The following MDGA1 variants were observed in gnomAD, a reference collection of about 807,000 sequenced individuals.
The protein encoded by MDGA1 is MAM domain-containing glycosylphosphatidylinositol anchor protein 1.
Under a neutral mutation model 101.5 loss-of-function variants are expected in MDGA1, and 54 were observed. That is an observed-to-expected ratio of 0.53 (90% CI 0.43 to 0.67). MDGA1 has a LOEUF of 0.67. Ranked by LOEUF, MDGA1 falls within the 30% of genes least tolerant of loss-of-function variation. MDGA1 has a pLI of 0.00. For synonymous variants in MDGA1, 533 were observed against 558.3 expected (o/e 0.95, Z 0.64); for missense variants, 1,083 against 1,323.8 (o/e 0.82, Z 2.82).
chr6:37,665,456 G>A (rs143352817), intron 1 of MDGA1, among the ~76,000 whole-genome samples: 92 of 152,290 alleles, frequency 6.0e-4, no homozygotes, highest in Middle Eastern at 3.4e-3. Flanking sequence ...TGCGAGGCCC[G>A]GGGTAAGTCA....
At chr6:37,690,272 G>T (rs1352390865) in intron 1 of MDGA1, among the ~76,000 whole-genome samples, 1 of 152,148 alleles carries the variant, frequency 6.6e-6, no homozygotes, top group Admixed American at 6.5e-5. Context: ...CACACACAGC[G>T]GCATGGCTAC....
At position 37,638,890 on chromosome 6, in the gene MDGA1, G is replaced by A. The variant is rs951642934; in HGVS notation, c.2537-223C>T. ...GGATTTCATTTCATCAGGATGACTT[G>A]CAAATTTTCTTTCATTTCTTTCCTG... is the stretch of plus-strand genomic sequence containing the variant. On this transcript the variant is annotated intron_variant, in intron 14 of 16. Transcript: ENST00000434837. The surrounding 1 kb of genome is among the most constrained non-coding windows in gnomAD (Gnocchi z 4.8). 7 of 560,140 alleles carry A rather than the reference G, an allele frequency of 1.2e-5. No individual in the cohort carries two copies. Among genetic ancestry groups the A allele is most frequent in the Non-Finnish European group, 2.2e-5 (7 of 325,398 alleles). 34.7% of individuals were successfully genotyped at this position (560,140 alleles called of 1,614,324 possible).
At chr6:37,683,612 C>T (rs996832446) in intron 1 of MDGA1, among the ~76,000 whole-genome samples, 1 of 152,224 alleles carries the variant, frequency 6.6e-6, no homozygotes, top group African/African-American at 2.4e-5. Flanking sequence ...CCCCCAGGAG[C>T]AACCTCACCC....
In MDGA1 at chr6:37,637,152, T is replaced by C. The variant is rs948998885; in HGVS notation, c.*216A>G. ...ATATCTCTGTGTGTGTGAGCATGAG[T>C]GTGTGCGTGTGTGCAAGTGGAACAG... On this transcript the variant is annotated 3_prime_UTR_variant, in exon 17 of 17. Coordinates refer to ENST00000434837, the MANE Select transcript of MDGA1 (RefSeq NM_153487.4). 2.4e-5 allele frequency: 13 copies of C among 534,778 alleles called. No homozygotes were observed. The highest frequency in any genetic ancestry group is 4.0e-5 in the Non-Finnish European group (12 of 298,978). 33.1% of individuals were successfully genotyped at this position (534,778 alleles called of 1,614,324 possible). A position where few individuals can be genotyped will look rare whatever the true frequency, so the allele number is the denominator to read the frequency against.
intron 1 of MDGA1, among the ~76,000 whole-genome samples, chr6:37,674,325 C>T (rs1042933314): frequency 2.0e-5 from 3 of 152,236 alleles, no homozygotes; most frequent in African/African-American, 4.8e-5. Context: ...GCCGCCACCC[C>T]GCCACCACAA....
At chr6:37,658,961 A>C (rs147542341) in intron 2 of MDGA1, among the ~76,000 whole-genome samples, 1,719 of 105,012 alleles carry the variant, frequency 0.016, 38 homozygotes, top group African/African-American at 0.055. Flanking sequence ...ACGGAGCAAG[A>C]CTGTTTCAAA....
intron 1 of MDGA1, among the ~76,000 whole-genome samples, chr6:37,672,819 C>A (rs1761898619): frequency 6.6e-6 from 1 of 152,112 alleles, no homozygotes; most frequent in Admixed American, 6.5e-5. Flanking sequence ...TCAGGCTCTG[C>A]ACTAGGGAAG....
At chr6:37,673,717 C>T (rs1035219608) in intron 1 of MDGA1, among the ~76,000 whole-genome samples, 11 of 152,102 alleles carry the variant, frequency 7.2e-5, no homozygotes, top group African/African-American at 2.4e-5. Flanking sequence ...GGTGACTTCT[C>T]GGAGGTGCTC....
intron 1 of MDGA1, among the ~76,000 whole-genome samples, chr6:37,690,035 A>G (rs908928169): frequency 6.6e-6 from 1 of 152,146 alleles, no homozygotes; most frequent in Admixed American, 6.5e-5. Flanking sequence ...CAAGGCTCCA[A>G]ATGATTGGAC....
chr6:37,692,689 C>G lies in MDGA1; in HGVS notation c.67+4056G>C, dbSNP rs189726752. Among the ~76,000 whole-genome samples, 6 of 152,062 alleles carry G rather than the reference C, an allele frequency of 3.9e-5. No individual in the cohort carries two copies. The South Asian group carries it at 1.2e-3, about 32-fold the overall frequency. The stretch of plus-strand genomic sequence containing the variant: ...CCTACAGATTCCACCCCCCTTCCCC[C>G]CCAGCCTGTCCCTCCATGTTCCAGC... On this transcript the variant is annotated intron_variant, in intron 1 of 16. Transcript: ENST00000434837.
intron 1 of MDGA1, among the ~76,000 whole-genome samples, chr6:37,686,627 A>G (rs2114102470): frequency 6.6e-6 from 1 of 152,110 alleles, no homozygotes; most frequent in East Asian, 1.9e-4. Context: ...GGGTTTCACC[A>G]TGTTGCCCAG....
rs760955590 is a variant in MDGA1, at chr6:37,650,282, T to A, written c.1436A>T (p.Asp479Val). 1 of 1,606,504 alleles carries A rather than the reference T, an allele frequency of 6.2e-7. No individual in the cohort carries two copies. Among genetic ancestry groups the A allele is most frequent in the South Asian group, 1.1e-5 (1 of 90,190 alleles). ...CGAGGGCAGCAGTGCAGCCTCCTTG[T>A]CCACGCGGGACCAGAGCACTGGCGG... ...PRPPVLWSRV[D>V]KEAALLPSGL... The change falls in exon 8 of 17, where the codon GAC becomes GTC. Residue 479 changes from aspartate to valine, a missense_variant. Asp to Val is a radical substitution (Grantham distance 152). Transcript: ENST00000434837.
At chr6:37,693,322 A>C (rs1052828703) in intron 1 of MDGA1, among the ~76,000 whole-genome samples, 15 of 152,176 alleles carry the variant, frequency 9.9e-5, no homozygotes, top group Admixed American at 4.6e-4. Context: ...TCCCCAGAGG[A>C]GGGAAAAAAA....
intron 10 of MDGA1, among the ~76,000 whole-genome samples, chr6:37,646,581 T>C (rs957332246): frequency 6.6e-6 from 1 of 152,096 alleles, no homozygotes; most frequent in Non-Finnish European, 1.5e-5. Context: ...ATCCTCAAAA[T>C]TACAATCCTA....
chr6:37,650,451 A>G, intron 7 of MDGA1, 46 bp from the exon 8 acceptor site: 2 of 1,458,718 alleles, frequency 1.4e-6, no homozygotes, highest in Non-Finnish European at 1.8e-6. Context: ...GCGGAGTTAG[A>G]GCTCCCCACT....
At chr6:37,674,052 C>T in intron 1 of MDGA1, among the ~76,000 whole-genome samples, 1 of 152,214 alleles carries the variant, frequency 6.6e-6, no homozygotes. Flanking sequence ...CTCCTGCCCT[C>T]AGTGCTGGGA....
intron 2 of MDGA1, among the ~76,000 whole-genome samples, chr6:37,662,236 G>A (rs554810201): frequency 8.6e-5 from 13 of 151,780 alleles, no homozygotes; most frequent in Middle Eastern, 7.0e-3. Flanking sequence ...CTACTGCAAC[G>A]GTCCAAGCGA....
intron 1 of MDGA1, among the ~76,000 whole-genome samples, chr6:37,692,261 C>G (rs1050695525): frequency 6.6e-6 from 1 of 152,162 alleles, no homozygotes; most frequent in Non-Finnish European, 1.5e-5. Flanking sequence ...CACACACACC[C>G]GATACCTGGG....
At chr6:37,672,007 G>A (rs1761879905) in intron 1 of MDGA1, among the ~76,000 whole-genome samples, 1 of 151,920 alleles carries the variant, frequency 6.6e-6, no homozygotes, top group African/African-American at 2.4e-5. Context: ...CCAGCATGGT[G>A]GTGCACACCT....
Sources: allele counts gnomAD v4.1 joint callset (sites outside exome capture counted in the v4.1 genomes callset), GRCh38; gene constraint gnomAD v4.1.1; non-coding constraint Gnocchi (gnomAD v3.1); transcripts MANE v1.5; gene names NCBI Gene and HGNC (gene_info 2026-07-23, HGNC 2026-07-21).